Variants in ATL1 observed in about 807,000 individuals in gnomAD.
ATL1 encodes the protein atlastin-1.
ATL1 carries 31 observed loss-of-function variants against 75.5 expected under a neutral mutation model. The observed-to-expected ratio is 0.41, with a 90% CI of 0.31 to 0.55. The LOEUF (loss-of-function observed/expected upper bound fraction) is 0.55. ATL1 is among the 20% of genes least tolerant of loss of function. ATL1 has a pLI of 0.27. For missense variants in ATL1, 405 were observed against 662.6 expected (o/e 0.61, Z 4.27); for synonymous variants, 226 against 233.3 (o/e 0.97, Z 0.28).
Position 50,631,272 on chromosome 14 carries a change from A to C in ATL1, c.1567-957A>C, listed in dbSNP as rs558770176. On this transcript the variant is annotated intron_variant, in intron 13 of 13. Transcript: ENST00000358385. ...GAGATTCCAACTCAAAAAGTAAAAAACAAAAACAAAAACAAAAAAAAACCA... is the reference window on the plus strand; with the variant it reads ...GAGATTCCAACTCAAAAAGTAAAAACCAAAAACAAAAACAAAAAAAAACCA... Among the ~76,000 whole-genome samples, 867 of 144,890 alleles carry C rather than the reference A, an allele frequency of 6.0e-3. 8 individuals carry two copies. Among genetic ancestry groups the C allele is most frequent in the African/African-American group, 0.021 (835 of 38,890 alleles).
intron 13 of ATL1, among the ~76,000 whole-genome samples, chr14:50,631,466 C>G (rs995391610): frequency 1.3e-5 from 2 of 151,980 alleles, no homozygotes; most frequent in Non-Finnish European, 1.5e-5. Context: ...AACTGACTGT[C>G]AAGTATGTGA....
At chr14:50,609,716 CACTG>C (rs2039346379) in intron 6 of ATL1, among the ~76,000 whole-genome samples, 1 of 152,048 alleles carries the variant, frequency 6.6e-6, no homozygotes, top group African/African-American at 2.4e-5. Context: ...GGTCTAGAAA[CACTG>C]ACCAACGCAG....
chr14:50,603,683 T>C (rs2140217721), intron 6 of ATL1, among the ~76,000 whole-genome samples: 1 of 152,308 alleles, frequency 6.6e-6, no homozygotes, highest in East Asian at 1.9e-4. Context: ...TAAGCTACTT[T>C]GAAACAAAAC....
At chr14:50,534,497 TC>T (rs1256855115) in intron 1 of ATL1, among the ~76,000 whole-genome samples, 4 of 152,228 alleles carry the variant, frequency 2.6e-5, no homozygotes, top group African/African-American at 9.6e-5. Context: ...ATCCTGACAA[TC>T]CTTTAAGCAT....
At chr14:50,549,765 A>G (rs2140158068) in intron 1 of ATL1, among the ~76,000 whole-genome samples, 2 of 152,310 alleles carry the variant, frequency 1.3e-5, no homozygotes, top group Middle Eastern at 3.4e-3. Flanking sequence ...CTCACAGAAA[A>G]AAAAGGAATG....
At chr14:50,542,804 C>G (rs1174069797) in intron 1 of ATL1, among the ~76,000 whole-genome samples, 3 of 152,068 alleles carry the variant, frequency 2.0e-5, no homozygotes, top group Admixed American at 6.5e-5. Context: ...AATGGGGTGG[C>G]CCTGAAAGAT....
intron 8 of ATL1, among the ~76,000 whole-genome samples, chr14:50,617,309 G>C (rs1383265882): frequency 6.6e-6 from 1 of 152,084 alleles, no homozygotes; most frequent in East Asian, 1.9e-4. Flanking sequence ...GCTTTTATTG[G>C]GTGCTTACTG....
chr14:50,579,186 G>A (rs916363354), intron 1 of ATL1, among the ~76,000 whole-genome samples: 2 of 152,100 alleles, frequency 1.3e-5, no homozygotes, highest in Non-Finnish European at 2.9e-5. Context: ...TGAGAGCTAA[G>A]GATGATGGCT....
At chr14:50,575,629 A>C (rs2038998801) in intron 1 of ATL1, among the ~76,000 whole-genome samples, 1 of 152,184 alleles carries the variant, frequency 6.6e-6, no homozygotes, top group African/African-American at 2.4e-5. Context: ...GTTTAAGAAA[A>C]AGTAACAGTT....
intron 1 of ATL1, among the ~76,000 whole-genome samples, chr14:50,563,844 TA>T (rs896765260): frequency 6.6e-6 from 1 of 152,210 alleles, no homozygotes; most frequent in African/African-American, 2.4e-5. Context: ...TTTAAGCATA[TA>T]AAAGTCAATT....
In ATL1 at chr14:50,612,182, C is replaced by T. The variant is rs74784252; in HGVS notation, c.631-1077C>T. On this transcript the variant is annotated intron_variant, in intron 6 of 13. Coordinates refer to ENST00000358385, the MANE Select transcript of ATL1 (RefSeq NM_015915.5). ...CATGTATCATGTATGATTCCACTTA[C>T]GCAAATTATAAAAACAGGCAAAACG... Among the ~76,000 whole-genome samples, 475 of 152,142 alleles carry T rather than the reference C, an allele frequency of 3.1e-3. 9 individuals carry two copies. In the East Asian group the frequency reaches 0.067, roughly 21 times the overall value.
chr14:50,622,283 A>G (rs1375397973), intron 10 of ATL1, among the ~76,000 whole-genome samples: 4 of 152,208 alleles, frequency 2.6e-5, no homozygotes, highest in African/African-American at 9.6e-5. Context: ...AGGACCAGCT[A>G]CTCAGGAGGC....
chr14:50,564,654 A>G (rs1259799283), intron 1 of ATL1, among the ~76,000 whole-genome samples: 25 of 142,706 alleles, frequency 1.8e-4, no homozygotes, highest in East Asian at 4.4e-4. Context: ...TCTCAAAAAA[A>G]AAAAAAAAAA....
chr14:50,557,732 A>C (rs2140169361), upstream of ATL1, among the ~76,000 whole-genome samples: 1 of 152,340 alleles, frequency 6.6e-6, no homozygotes, highest in South Asian at 2.1e-4. Flanking sequence ...GCATTCTAGC[A>C]ATGTCCACTG....
At position 50,632,752 on chromosome 14, in the gene ATL1, C is replaced by T. The variant is rs984358126; in HGVS notation, c.*413C>T. ...TTAGCCATTTGTTAAAACACAGCAT[C>T]ATAACTCAGCAGGCTGGATTTAATC... On this transcript the variant is annotated 3_prime_UTR_variant, in exon 14 of 14. Coordinates refer to ENST00000358385, the MANE Select transcript of ATL1 (RefSeq NM_015915.5). The T allele has an allele frequency of 5.0e-6, 1 of 201,142 alleles. No homozygotes were observed. The highest frequency in any genetic ancestry group is 5.4e-5 in the Admixed American group (1 of 18,680). The allele number at this position is 201,142 out of a possible 1,614,324, so 12.5% of individuals were successfully genotyped here.
At chr14:50,578,680 C>T (rs1269242790) in intron 1 of ATL1, among the ~76,000 whole-genome samples, 1 of 152,052 alleles carries the variant, frequency 6.6e-6, no homozygotes, top group Non-Finnish European at 1.5e-5. Flanking sequence ...GCAATTGTTC[C>T]AAATGAACTT....
At chr14:50,628,735 G>A (rs1400487683) in intron 12 of ATL1, among the ~76,000 whole-genome samples, 1 of 151,814 alleles carries the variant, frequency 6.6e-6, no homozygotes, top group East Asian at 1.9e-4. Flanking sequence ...TTTTTGGGTA[G>A]GGGGGCAGTC....
At chr14:50,551,653 A>G (rs767670051) in intron 1 of ATL1, among the ~76,000 whole-genome samples, 11 of 152,364 alleles carry the variant, frequency 7.2e-5, no homozygotes, top group East Asian at 1.9e-4. Flanking sequence ...TGAATCTAAT[A>G]GCATATCAAA....
intron 1 of ATL1, among the ~76,000 whole-genome samples, chr14:50,584,510 T>C (rs570799538): frequency 6.6e-6 from 1 of 152,296 alleles, no homozygotes; most frequent in South Asian, 2.1e-4. Context: ...GAGACCATCC[T>C]GGCTAACATG....
Sources: allele counts gnomAD v4.1 joint callset (sites outside exome capture counted in the v4.1 genomes callset), GRCh38; gene constraint gnomAD v4.1.1; transcripts MANE v1.5; gene names NCBI Gene and HGNC (gene_info 2026-07-23, HGNC 2026-07-21).